Variants in C8orf74 observed in about 807,000 individuals in gnomAD.
C8orf74 encodes uncharacterized protein C8orf74.
A neutral mutation model predicts 22.2 loss-of-function variants in C8orf74; 29 were observed. That is an observed-to-expected ratio of 1.31 (90% CI 0.97 to 1.78). The LOEUF is 1.78. Ranked by LOEUF, C8orf74 falls within the 40% of genes most tolerant of loss-of-function variation. The pLI, the probability that C8orf74 is intolerant of heterozygous loss-of-function variation, is 0.00. For synonymous variants in C8orf74, 255 were observed against 163.1 expected (o/e 1.56, Z -4.30); for missense variants, 515 against 369.9 (o/e 1.39, Z -3.22).
intron 2 of C8orf74, among the ~76,000 whole-genome samples, chr8:10,694,870 G>C (rs1167207153): frequency 6.6e-6 from 1 of 152,128 alleles, no homozygotes; most frequent in Non-Finnish European, 1.5e-5. Flanking sequence ...ATGGAAGAGT[G>C]GATGAATGAA....
intron 3 of C8orf74, 69 bp from the exon 4 acceptor site, chr8:10,700,166 G>A (rs1173232431): frequency 1.0e-6 from 1 of 993,584 alleles, no homozygotes; most frequent in African/African-American, 1.7e-5. Flanking sequence ...CTGCAACAGG[G>A]GCTGAGTTGA....
At chr8:10,683,419 C>T (rs907043025) in intron 2 of C8orf74, among the ~76,000 whole-genome samples, 1 of 152,228 alleles carries the variant, frequency 6.6e-6, no homozygotes, top group East Asian at 1.9e-4. Flanking sequence ...ATCAGCTGGA[C>T]TTACTGGTCA....
chr8:10,676,755 C>T (rs1016351053), intron 2 of C8orf74, among the ~76,000 whole-genome samples: 1 of 152,190 alleles, frequency 6.6e-6, no homozygotes, highest in African/African-American at 2.4e-5. Flanking sequence ...CAGGGTATCC[C>T]TCAAGGCCCT....
intron 2 of C8orf74, chr8:10,687,138 A>G (rs979173320): frequency 3.3e-5 from 15 of 456,286 alleles, no homozygotes; most frequent in African/African-American, 2.2e-4. Context: ...CAGAGGCCTG[A>G]TGATGGCAAT....
At chr8:10,679,600 C>T (rs964990065) in intron 2 of C8orf74, among the ~76,000 whole-genome samples, 2 of 152,210 alleles carry the variant, frequency 1.3e-5, no homozygotes, top group African/African-American at 2.4e-5. Context: ...AGCCTCTCCC[C>T]GTCCTTGGAT....
chr8:10,679,751 T>G (rs1799108701), intron 2 of C8orf74: 1 of 152,454 alleles, frequency 6.6e-6, no homozygotes, highest in African/African-American at 2.4e-5. Context: ...CAGGCGTGCC[T>G]GGCCCGGCCC....
intron 2 of C8orf74, among the ~76,000 whole-genome samples, chr8:10,684,086 A>G (rs1397162524): frequency 6.6e-6 from 1 of 152,168 alleles, no homozygotes; most frequent in East Asian, 1.9e-4. Context: ...TGATGATCAT[A>G]ATCTCAGCCA....
intron 2 of C8orf74, chr8:10,691,303 CG>C: frequency 4.4e-6 from 1 of 228,364 alleles, no homozygotes; most frequent in Non-Finnish European, 9.1e-6. Context: ...CACCCAGGCA[CG>C]GCTGCTGAGC....
At chr8:10,697,489 TG>T in intron 2 of C8orf74, 109 bp from the exon 3 acceptor site, 1 of 846,958 alleles carries the variant, frequency 1.2e-6, no homozygotes, top group Non-Finnish European at 1.9e-6. Flanking sequence ...AAAAATGCAG[TG>T]GGGACATGGG....
At chr8:10,692,397 T>C (rs1024017424) in intron 2 of C8orf74, 2 of 152,352 alleles carry the variant, frequency 1.3e-5, no homozygotes, top group Admixed American at 6.5e-5. Context: ...CCTTCTGCCA[T>C]GTCTGGGTGG....
chr8:10,700,270 C>G lies in C8orf74; in HGVS notation c.684C>G (p.Thr228=), dbSNP rs769437570. The G allele has an allele frequency of 4.3e-6, 7 of 1,612,410 alleles. No individual in the cohort carries two copies. The highest frequency in any genetic ancestry group is 1.1e-5 in the South Asian group (1 of 90,994). The change falls in exon 4 of 4, where the codon ACC becomes ACG. Residue 228 remains threonine (T), a synonymous_variant. Transcript: ENST00000304519. The part of the protein sequence containing the change: ...LESLICQAVH[T]QMELLQELLQ... The stretch of plus-strand genomic sequence containing the variant: ...GCCTCATCTGCCAGGCAGTCCACAC[C>G]CAGATGGAGCTCCTGCAGGAGCTGC...
chr8:10,678,313 C>T (rs958201379), intron 2 of C8orf74, among the ~76,000 whole-genome samples: 5 of 152,190 alleles, frequency 3.3e-5, no homozygotes, highest in Non-Finnish European at 7.3e-5. Context: ...TCAAATGAGG[C>T]TGTGCCTTAA....
At chr8:10,691,369 A>C (rs1193292409) in intron 2 of C8orf74, 1 of 172,856 alleles carries the variant, frequency 5.8e-6, no homozygotes, top group Non-Finnish European at 1.3e-5. Context: ...GGTTTTGTGT[A>C]CGGCTGCTGG....
chr8:10,683,689 C>A (rs1193100058), intron 2 of C8orf74, among the ~76,000 whole-genome samples: 1 of 152,184 alleles, frequency 6.6e-6, no homozygotes, highest in Non-Finnish European at 1.5e-5. Context: ...CGGAAATCCC[C>A]ACAGCTTATG....
intron 3 of C8orf74, among the ~76,000 whole-genome samples, chr8:10,698,288 C>T (rs1029475204): frequency 2.0e-5 from 3 of 152,174 alleles, no homozygotes; most frequent in Admixed American, 2.0e-4. Flanking sequence ...GCCTGGCTGA[C>T]CCTGAAGTCT....
chr8:10,696,956 TC>T (rs1799530654), intron 2 of C8orf74, among the ~76,000 whole-genome samples: 1 of 114,956 alleles, frequency 8.7e-6, no homozygotes, highest in Admixed American at 8.2e-5. Flanking sequence ...GCCCAGGAGT[TC>T]GAAAAAAAAA....
At chr8:10,693,311 C>T (rs1053212991) in intron 2 of C8orf74, among the ~76,000 whole-genome samples, 6 of 152,210 alleles carry the variant, frequency 3.9e-5, no homozygotes, top group African/African-American at 1.4e-4. Context: ...ATCCCAGCTC[C>T]TTTACTGCCT....
intron 2 of C8orf74, among the ~76,000 whole-genome samples, chr8:10,681,720 C>T (rs541889269): frequency 7.9e-5 from 12 of 152,338 alleles, no homozygotes; most frequent in East Asian, 1.9e-4. Flanking sequence ...CTCTCTTGGA[C>T]GCTCTTTCAA....
At chr8:10,680,999 T>C (rs533789217) in intron 2 of C8orf74, among the ~76,000 whole-genome samples, 1 of 151,734 alleles carries the variant, frequency 6.6e-6, no homozygotes, top group South Asian at 2.1e-4. Context: ...AGGGATGTTT[T>C]TGTTGTTGTT....
Sources: allele counts gnomAD v4.1 joint callset (sites outside exome capture counted in the v4.1 genomes callset), GRCh38; gene constraint gnomAD v4.1.1; transcripts MANE v1.5; gene names NCBI Gene and HGNC (gene_info 2026-07-23, HGNC 2026-07-21).